The following ANKRD30A variants were observed in gnomAD, a reference collection of about 807,000 sequenced individuals.
ANKRD30A encodes the protein ankyrin repeat domain-containing protein 30A.
In ANKRD30A, 170 loss-of-function variants were observed where a neutral mutation model predicts 166.3. The observed-to-expected ratio is 1.02, with a 90% confidence interval of 0.90 to 1.16. The LOEUF (loss-of-function observed/expected upper bound fraction) is 1.16. Ranked by LOEUF, ANKRD30A falls within the 50% of genes most tolerant of loss-of-function variation. The pLI is 0.00. For synonymous variants in ANKRD30A, 564 were observed against 508.9 expected (o/e 1.11, Z -1.46); for missense variants, 1,630 against 1,518.0 (o/e 1.07, Z -1.23).
At chr10:37,242,012 T>G in the ANKRD30A span, 2 of 152,178 alleles carry the variant, frequency 1.3e-5, no homozygotes, top group Non-Finnish European at 2.9e-5. Flanking sequence ...AATTTAACAT[T>G]AATACATTCT....
At chr10:37,171,412 C>G (rs1307015043) in intron 21 of ANKRD30A, among the ~76,000 whole-genome samples, 4 of 148,966 alleles carry the variant, frequency 2.7e-5, no homozygotes, top group African/African-American at 1.0e-4. Flanking sequence ...GTCCTACTTT[C>G]CAATACGCAT....
intron 31 of ANKRD30A, among the ~76,000 whole-genome samples, chr10:37,210,272 TC>T (rs1255584001): frequency 1.3e-5 from 2 of 152,192 alleles, no homozygotes; most frequent in Non-Finnish European, 2.9e-5. Context: ...TTCATCCATG[TC>T]CCTGCAAAGG....
At chr10:37,245,734 C>G in the ANKRD30A span, among the ~76,000 whole-genome samples, 1 of 152,096 alleles carries the variant, frequency 6.6e-6, no homozygotes, top group African/African-American at 2.4e-5. Context: ...GTCAGCTGGG[C>G]TGAATTTTCA....
intron 34 of ANKRD30A, 86 bp downstream of exon 34, chr10:37,219,983 A>G (rs549371920): frequency 9.9e-6 from 3 of 302,204 alleles, no homozygotes; most frequent in African/African-American, 3.4e-5. Context: ...TGCTGAATCT[A>G]GTTGAATATA....
At chr10:37,259,639 C>T in the ANKRD30A span, among the ~76,000 whole-genome samples, 1 of 152,104 alleles carries the variant, frequency 6.6e-6, no homozygotes, top group Non-Finnish European at 1.5e-5. Flanking sequence ...TGTATTCTTA[C>T]AATAAAATAC....
At position 37,219,302 on chromosome 10, in the gene ANKRD30A, C is replaced by T. The variant is rs745883027; in HGVS notation, c.3590C>T (p.Ser1197Leu). 9.9e-6 allele frequency: 16 copies of T among 1,610,306 alleles called. No individual in the cohort carries two copies. Among genetic ancestry groups the T allele is most frequent in the Non-Finnish European group, 1.4e-5 (16 of 1,177,606 alleles). ...GAAATACTAGAGGCAGAAATTGAAT[C>T]ACACCATCCTAGACTGGCTTCTGCT... is the stretch of plus-strand genomic sequence containing the variant. ...DKEILEAEIE[S>L]HHPRLASAVQ... is the part of the protein sequence containing the mutation. The change falls in exon 34 of 36, where the codon TCA becomes TTA. Residue 1197 changes from serine (S) to leucine (L), a missense_variant. Coordinates refer to ENST00000361713, the MANE Select transcript of ANKRD30A (RefSeq NM_052997.3).
chr10:37,236,103 C>T (rs547646082), downstream of ANKRD30A, among the ~76,000 whole-genome samples: 3 of 152,128 alleles, frequency 2.0e-5, no homozygotes, highest in East Asian at 3.9e-4. Context: ...CTATTGTTAA[C>T]ATGGGGGTTG....
the ANKRD30A span, among the ~76,000 whole-genome samples, chr10:37,252,089 T>C: frequency 6.6e-6 from 1 of 152,160 alleles, no homozygotes; most frequent in African/African-American, 2.4e-5. Context: ...CTCCTTGAAG[T>C]GTAATGTGGT....
intron 4 of ANKRD30A, among the ~76,000 whole-genome samples, chr10:37,133,105 A>G (rs914059900): frequency 5.3e-5 from 8 of 152,170 alleles, no homozygotes; most frequent in Admixed American, 4.6e-4. Context: ...ATTTTAGGTT[A>G]TCCCTACGTG....
intron 31 of ANKRD30A, among the ~76,000 whole-genome samples, chr10:37,205,672 G>T (rs566960578): frequency 1.3e-5 from 2 of 152,292 alleles, no homozygotes; most frequent in East Asian, 3.9e-4. Context: ...CTGACTATGT[G>T]AAGCTGTGTT....
chr10:37,145,881 A>T lies in ANKRD30A; in HGVS notation c.1455+825A>T, dbSNP rs187683305. 1.9e-4 allele frequency among the ~76,000 whole-genome samples: 29 copies of T among 152,418 alleles called. No homozygotes were observed. The East Asian group carries it at 4.0e-3, about 21-fold the overall frequency. The stretch of plus-strand genomic sequence containing the variant: ...GGAACATTTCAGGAGACAAACATGC[A>T]TAAAGAATAGGAAACCAGTGGGACT... On this transcript the variant is annotated intron_variant, in intron 8 of 35. Transcript: ENST00000361713.
At chr10:37,239,032 G>A in the ANKRD30A span, among the ~76,000 whole-genome samples, 1 of 152,060 alleles carries the variant, frequency 6.6e-6, no homozygotes, top group Non-Finnish European at 1.5e-5. Flanking sequence ...TCCAGTATGT[G>A]CAGTACACAA....
chr10:37,257,169 AG>A, the ANKRD30A span, among the ~76,000 whole-genome samples: 1 of 151,442 alleles, frequency 6.6e-6, no homozygotes, highest in East Asian at 1.9e-4. Flanking sequence ...TATATGTTCT[AG>A]TTTATTTGCA....
At chr10:37,152,770 A>G (rs1002871559) in intron 12 of ANKRD30A, among the ~76,000 whole-genome samples, 1 of 152,100 alleles carries the variant, frequency 6.6e-6, no homozygotes, top group Non-Finnish European at 1.5e-5. Context: ...ATGAGCGTCA[A>G]ATAATAGTGA....
chr10:37,154,035 G>A (rs72787537), intron 13 of ANKRD30A, among the ~76,000 whole-genome samples: 8,420 of 152,170 alleles, frequency 0.055, 340 homozygotes, highest in Non-Finnish European at 0.077. Flanking sequence ...TGATTCTTTA[G>A]GAAAAGATTG....
the ANKRD30A span, among the ~76,000 whole-genome samples, chr10:37,252,207 T>TA: frequency 6.6e-6 from 1 of 152,180 alleles, no homozygotes; most frequent in African/African-American, 2.4e-5. Context: ...ATAGTTACCA[T>TA]AAAAAATGGC....
rs776498766 is a variant in ANKRD30A at position 37,141,822 on chromosome 10, T to C, written c.925T>C (p.Leu309=). 1.2e-5 allele frequency: 20 copies of C among 1,613,586 alleles called. No individual in the cohort carries two copies. The highest frequency in any genetic ancestry group is 8.8e-5 in the South Asian group (8 of 91,068). ...AAAAACACCTGATGAGGCTGCACCC[T>C]TGGTGGAAAGAACACCTGACACGGC... ...VEKTPDEAAP[L]VERTPDTAES... The change falls in exon 7 of 36, where the codon TTG becomes CTG. Residue 309 remains leucine (L), a synonymous_variant. Coordinates refer to ENST00000361713, the MANE Select transcript of ANKRD30A (RefSeq NM_052997.3).
At chr10:37,193,328 T>C (rs1323610625) in intron 27 of ANKRD30A, 70 bp downstream of exon 27, 1 of 1,496,494 alleles carries the variant, frequency 6.7e-7, no homozygotes, top group East Asian at 2.4e-5. Flanking sequence ...TGTGAGACTT[T>C]TCATTCCCAA....
In ANKRD30A at chr10:37,166,897, A is replaced by T. The variant is rs572524076; in HGVS notation, c.2155+202A>T. Among the ~76,000 whole-genome samples the T allele has an allele frequency of 5.9e-5, 9 of 152,232 alleles. No homozygotes were observed. In the South Asian group the frequency reaches 1.9e-3, roughly 32 times the overall value. ...GTGAGTGCTGAAGCGGAGCTGAATT[A>T]CTAGTTTGAATTCAAGATATTCCAA... On this transcript the variant is annotated intron_variant, in intron 19 of 35. Transcript: ENST00000361713.
Sources: allele counts gnomAD v4.1 joint callset (sites outside exome capture counted in the v4.1 genomes callset), GRCh38; gene constraint gnomAD v4.1.1; transcripts MANE v1.5; gene names NCBI Gene and HGNC (gene_info 2026-07-23, HGNC 2026-07-21).